Variants in STK32B observed in about 807,000 individuals in gnomAD.
STK32B encodes the protein serine/threonine-protein kinase 32B.
In STK32B, 43 loss-of-function variants were observed where a neutral mutation model predicts 52.6. The ratio of observed to expected loss-of-function variants is 0.82; its 90% CI spans 0.64 to 1.05. The LOEUF (loss-of-function observed/expected upper bound fraction) is 1.05, where lower values mean the gene tolerates loss of function less well. STK32B is among the 50% of genes least tolerant of loss of function. The pLI, the probability that STK32B is intolerant of heterozygous loss-of-function variation, is 0.00. For synonymous variants in STK32B, 238 were observed against 204.3 expected, an observed-to-expected ratio of 1.17 and a Z score of -1.41; for missense variants, 621 against 534.6, an observed-to-expected ratio of 1.16 and a Z score of -1.59.
intron 1 of STK32B, among the ~76,000 whole-genome samples, chr4:5,108,535 A>C (rs1182788845): frequency 6.6e-6 from 1 of 152,154 alleles, no homozygotes; most frequent in Non-Finnish European, 1.5e-5. Context: ...AGTTTACTTA[A>C]TTTTGTCGTT....
At chr4:5,273,741 A>G (rs1727603766) in intron 3 of STK32B, among the ~76,000 whole-genome samples, 1 of 133,174 alleles carries the variant, frequency 7.5e-6, no homozygotes, top group Non-Finnish European at 1.6e-5. Context: ...CTATCGCAAG[A>G]ACAAAAAACC....
At chr4:5,383,555 A>G (rs569085397) in intron 4 of STK32B, among the ~76,000 whole-genome samples, 2 of 152,276 alleles carry the variant, frequency 1.3e-5, no homozygotes, top group African/African-American at 4.8e-5. Context: ...AGGCCTCTCA[A>G]TCCTCAGGAG....
chr4:5,038,296 A>G, the STK32B span, among the ~76,000 whole-genome samples: 1 of 152,208 alleles, frequency 6.6e-6, no homozygotes, highest in Non-Finnish European at 1.5e-5. Context: ...GGCCTCAACG[A>G]GTCTGCATTT....
At chr4:5,171,057 G>A (rs1719330744) in intron 3 of STK32B, among the ~76,000 whole-genome samples, 2 of 152,204 alleles carry the variant, frequency 1.3e-5, no homozygotes, top group South Asian at 2.1e-4. Context: ...CTGATGACCA[G>A]TGATGATGAG....
At chr4:5,431,917 T>C (rs1375915621) in intron 6 of STK32B, among the ~76,000 whole-genome samples, 1 of 151,974 alleles carries the variant, frequency 6.6e-6, no homozygotes, top group Non-Finnish European at 1.5e-5. Flanking sequence ...TTATCTCTTC[T>C]TTCCACAGCT....
At chr4:5,136,877 T>G (rs4689990) in intron 1 of STK32B, among the ~76,000 whole-genome samples, 113,739 of 152,000 alleles carry the variant, frequency 0.75, 45,805 homozygotes, top group South Asian at 0.89. Context: ...GGCCGTGTGC[T>G]CAAAGTCATC....
chr4:5,020,173 T>A, the STK32B span, among the ~76,000 whole-genome samples: 1 of 152,010 alleles, frequency 6.6e-6, no homozygotes, highest in Non-Finnish European at 1.5e-5. Flanking sequence ...GAAGGGTTAG[T>A]TTTCAAGAAG....
At chr4:5,350,487 A>G (rs1313203008) in intron 4 of STK32B, among the ~76,000 whole-genome samples, 1 of 152,130 alleles carries the variant, frequency 6.6e-6, no homozygotes, top group Non-Finnish European at 1.5e-5. Flanking sequence ...AACCACTGGT[A>G]AAACAACACA....
chr4:5,405,614 T>A (rs1577453695), intron 5 of STK32B, among the ~76,000 whole-genome samples: 1 of 152,070 alleles, frequency 6.6e-6, no homozygotes, highest in Admixed American at 6.5e-5. Context: ...TGGGGAGGCC[T>A]CAGGAAAGTT....
At position 5,442,918 on chromosome 4, in the gene STK32B, T is replaced by G. The variant is rs1714936017; in HGVS notation, c.563-3755T>G. Among the ~76,000 whole-genome samples the G allele has an allele frequency of 2.0e-5, 3 of 152,042 alleles. No individual in the cohort carries two copies. In the South Asian group the frequency reaches 6.2e-4, roughly 32 times the overall value. ...GGTTGAAAATTCTTTTCTTTAAGAA[T>G]GTTGAATATTGGCCCCCACTCTCTT... is the stretch of plus-strand genomic sequence containing the variant. On this transcript the variant is annotated intron_variant, in intron 6 of 11. Transcript: ENST00000282908.
intron 3 of STK32B, among the ~76,000 whole-genome samples, chr4:5,171,718 G>C (rs13129954): frequency 0.14 from 20,170 of 144,944 alleles, 2,409 homozygotes; most frequent in Non-Finnish European, 0.2. Context: ...TAGCCTTGTA[G>C]TATGGTTTGA....
intron 3 of STK32B, among the ~76,000 whole-genome samples, chr4:5,309,952 G>A (rs181084825): frequency 4.1e-4 from 63 of 152,230 alleles, no homozygotes; most frequent in Non-Finnish European, 5.4e-4. Flanking sequence ...GATCACCTGA[G>A]GTCAGGAATT....
chr4:5,274,702 T>C (rs1009383307), intron 3 of STK32B, among the ~76,000 whole-genome samples: 2 of 152,146 alleles, frequency 1.3e-5, no homozygotes, highest in African/African-American at 4.8e-5. Context: ...CTCCCTTTTT[T>C]TGGGAGCTCT....
intron 3 of STK32B, among the ~76,000 whole-genome samples, chr4:5,179,464 G>T (rs948085636): frequency 6.6e-6 from 1 of 152,060 alleles, no homozygotes; most frequent in South Asian, 2.1e-4. Flanking sequence ...CTATATGTAT[G>T]ATGCATAGAT....
At chr4:5,360,630 G>C (rs1413407805) in intron 4 of STK32B, among the ~76,000 whole-genome samples, 1 of 152,090 alleles carries the variant, frequency 6.6e-6, no homozygotes, top group African/African-American at 2.4e-5. Flanking sequence ...CTGGAAAGCT[G>C]GAATAAAGAT....
At position 5,176,229 on chromosome 4, in the gene STK32B, C is replaced by A. The variant is rs117587190; in HGVS notation, c.260+7779C>A. Among the ~76,000 whole-genome samples the A allele has an allele frequency of 2.1e-3, 324 of 152,296 alleles. 6 individuals carry two copies. The East Asian group carries it at 0.052, about 24-fold the overall frequency. On this transcript the variant is annotated intron_variant, in intron 3 of 11. Coordinates refer to ENST00000282908, the MANE Select transcript of STK32B (RefSeq NM_018401.3). ...CTTTCTTTGTCTGGGAAAGGGAATT[C>A]TCTGACCCGTTGCACTTCCCAGGTG... is the stretch of plus-strand genomic sequence containing the variant.
intron 1 of STK32B, among the ~76,000 whole-genome samples, chr4:5,078,077 C>T (rs1712188686): frequency 1.3e-5 from 2 of 152,098 alleles, no homozygotes; most frequent in Admixed American, 1.3e-4. Flanking sequence ...TCCCACAAAT[C>T]CCCATACGAT....
intron 1 of STK32B, among the ~76,000 whole-genome samples, chr4:5,068,041 A>G (rs1036897476): frequency 3.3e-5 from 5 of 152,180 alleles, no homozygotes; most frequent in Non-Finnish European, 5.9e-5. Flanking sequence ...GGGCAGGGAC[A>G]CAAATCCAAA....
intron 4 of STK32B, among the ~76,000 whole-genome samples, chr4:5,375,337 C>T (rs28669692): frequency 7.2e-5 from 11 of 152,162 alleles, no homozygotes; most frequent in African/African-American, 2.7e-4. Flanking sequence ...ACACACAGAC[C>T]CCTCTGCTTC....
Sources: allele counts gnomAD v4.1 joint callset (sites outside exome capture counted in the v4.1 genomes callset), GRCh38; gene constraint gnomAD v4.1.1; transcripts MANE v1.5; gene names NCBI Gene and HGNC (gene_info 2026-07-23, HGNC 2026-07-21).